Variants in PHF14 observed in about 807,000 individuals in gnomAD.
PHF14 encodes the protein PHD finger protein 14.
A neutral mutation model predicts 117.9 loss-of-function variants in PHF14; 55 were observed. The observed-to-expected ratio is 0.47, with a 90% confidence interval of 0.38 to 0.58. The LOEUF is 0.58. PHF14 is among the 20% of genes least tolerant of loss of function. The pLI, the probability that PHF14 is intolerant of heterozygous loss-of-function variation, is 0.00. For synonymous variants in PHF14, 409 were observed against 368.6 expected (o/e 1.11, Z -1.26); for missense variants, 978 against 1,122.2 (o/e 0.87, Z 1.84).
chr7:10,976,009 A>C (rs1781850820), intron 2 of PHF14, among the ~76,000 whole-genome samples: 1 of 152,210 alleles, frequency 6.6e-6, no homozygotes, highest in African/African-American at 2.4e-5. Context: ...CTTAATTTTC[A>C]CAGTAACTTA....
intron 13 of PHF14, among the ~76,000 whole-genome samples, chr7:11,048,370 A>C (rs919283781): frequency 2.6e-5 from 4 of 152,090 alleles, no homozygotes; most frequent in Non-Finnish European, 5.9e-5. Context: ...TCAGGAGTTC[A>C]AGACCAGCCT....
At chr7:11,036,021 A>T (rs1784315184) in intron 8 of PHF14, among the ~76,000 whole-genome samples, 1 of 152,274 alleles carries the variant, frequency 6.6e-6, no homozygotes, top group African/African-American at 2.4e-5. Context: ...GAAAAATGTG[A>T]CTGTGAGGAA....
chr7:11,094,831 A>G (rs918984916), intron 16 of PHF14, among the ~76,000 whole-genome samples: 3 of 151,978 alleles, frequency 2.0e-5, no homozygotes, highest in African/African-American at 7.3e-5. Context: ...TCCTTCTTTT[A>G]TGGGGTCTAT....
intron 16 of PHF14, 159 bp from the exon 17 acceptor site, chr7:11,111,191 C>T (rs1787432271): frequency 6.0e-5 from 29 of 481,330 alleles, no homozygotes; most frequent in South Asian, 2.6e-4. Context: ...TTTAGTTTGC[C>T]TTTATCATCA....
chr7:11,037,427 C>T (rs1179195930), intron 10 of PHF14, among the ~76,000 whole-genome samples: 1 of 152,136 alleles, frequency 6.6e-6, no homozygotes, highest in Non-Finnish European at 1.5e-5. Flanking sequence ...GTAGTCAAGT[C>T]ACAGACTTGA....
chr7:11,051,422 T>C (rs558385374), intron 13 of PHF14, among the ~76,000 whole-genome samples, 190 bp from the exon 14 acceptor site: 5 of 152,292 alleles, frequency 3.3e-5, no homozygotes, highest in African/African-American at 1.2e-4. Context: ...GCCTTAAATA[T>C]TATATTCATA....
intron 13 of PHF14, among the ~76,000 whole-genome samples, chr7:11,044,226 G>T (rs2128324483): frequency 6.6e-6 from 1 of 152,094 alleles, no homozygotes; most frequent in Middle Eastern, 3.4e-3. Flanking sequence ...TCACTACCTG[G>T]GTGATAGGGA....
intron 16 of PHF14, among the ~76,000 whole-genome samples, chr7:11,075,144 G>A (rs1032822978): frequency 1.3e-5 from 2 of 151,878 alleles, no homozygotes; most frequent in African/African-American, 4.8e-5. Flanking sequence ...TCACCGTGTT[G>A]CCCAGGCTGG....
intron 17 of PHF14, among the ~76,000 whole-genome samples, chr7:11,165,539 A>G (rs1374793291): frequency 6.6e-6 from 1 of 152,140 alleles, no homozygotes; most frequent in East Asian, 1.9e-4. Context: ...AGTTTAAGAA[A>G]TCTTTTAAAC....
chr7:11,129,240 T>C (rs1562479285), intron 17 of PHF14, among the ~76,000 whole-genome samples: 1 of 152,074 alleles, frequency 6.6e-6, no homozygotes, highest in African/African-American at 2.4e-5. Flanking sequence ...CCCAAGGCTG[T>C]TTATTGAAAC....
intron 13 of PHF14, among the ~76,000 whole-genome samples, chr7:11,046,932 GA>G (rs58148239): frequency 0.028 from 4,302 of 151,264 alleles, 214 homozygotes; most frequent in African/African-American, 0.099. Flanking sequence ...TTGTGGAGGA[GA>G]AAAAAGTAAA....
chr7:11,145,231 A>G (rs1788511727), intron 17 of PHF14, among the ~76,000 whole-genome samples: 2 of 152,032 alleles, frequency 1.3e-5, no homozygotes, highest in Non-Finnish European at 2.9e-5. Context: ...AAAATGTGGT[A>G]GAAGTTTTTC....
rs111661839 is a variant in PHF14, at chr7:11,145,137, A to T, written c.2773-24279A>T. On this transcript the variant is annotated intron_variant, in intron 17 of 17. Transcript: ENST00000634607. ...TTATACCACAATTATAAAAATGATT[A>T]AAAAAAAACCCTCGGGAGGGGTTCA... Among the ~76,000 whole-genome samples, 1,002 of 144,044 alleles carry T rather than the reference A, an allele frequency of 7.0e-3. 10 individuals are homozygous for T. The highest frequency in any genetic ancestry group is 0.026 in the African/African-American group (952 of 37,000). 94.5% of individuals were successfully genotyped at this position (144,044 alleles called of 152,430 possible). A position where few individuals can be genotyped will look rare whatever the true frequency, so the allele number is the denominator to read the frequency against.
At chr7:11,001,201 C>G (rs891796416) in intron 4 of PHF14, among the ~76,000 whole-genome samples, 9 of 152,178 alleles carry the variant, frequency 5.9e-5, no homozygotes, top group Non-Finnish European at 1.3e-4. Context: ...GATCAGTTGA[C>G]TATATTTCTT....
chr7:11,070,609 C>T (rs1054208030), intron 16 of PHF14, among the ~76,000 whole-genome samples: 2 of 152,164 alleles, frequency 1.3e-5, no homozygotes, highest in African/African-American at 4.8e-5. Flanking sequence ...ACTTATGTGG[C>T]CCCATATTGA....
chr7:11,122,457 TGTG>T (rs1787806188), intron 17 of PHF14, among the ~76,000 whole-genome samples: 1 of 135,950 alleles, frequency 7.4e-6, no homozygotes, highest in South Asian at 2.3e-4. Flanking sequence ...ATATATATAT[TGTG>T]TGTGTGTGTG....
intron 7 of PHF14, among the ~76,000 whole-genome samples, chr7:11,033,300 T>A (rs1784187308): frequency 6.6e-6 from 1 of 151,862 alleles, no homozygotes; most frequent in African/African-American, 2.4e-5. Flanking sequence ...CTGAGGGGAG[T>A]TTGGTTCCAG....
At chr7:11,102,505 A>G (rs1335619910) in intron 16 of PHF14, 1 of 1,609,136 alleles carries the variant, frequency 6.2e-7, no homozygotes, top group Non-Finnish European at 8.5e-7. Context: ...ATGAGACCCA[A>G]CTCTGCCACA....
At chr7:11,152,813 C>G (rs1788738681) in intron 17 of PHF14, among the ~76,000 whole-genome samples, 1 of 152,108 alleles carries the variant, frequency 6.6e-6, no homozygotes, top group South Asian at 2.1e-4. Context: ...AGTCAAAGAA[C>G]TCACTCACTG....
Sources: allele counts gnomAD v4.1 joint callset (sites outside exome capture counted in the v4.1 genomes callset), GRCh38; gene constraint gnomAD v4.1.1; transcripts MANE v1.5; gene names NCBI Gene and HGNC (gene_info 2026-07-23, HGNC 2026-07-21).